ERMAP: variants seen among roughly 807,000 people sequenced by gnomAD.
ERMAP encodes erythroid membrane-associated protein.
ERMAP carries 34 observed loss-of-function variants against 49.5 expected under a neutral mutation model. The observed-to-expected ratio is 0.69, with a 90% CI of 0.52 to 0.91. The LOEUF is 0.91. ERMAP is among the 40% of genes least tolerant of loss of function. The pLI, the probability that ERMAP is intolerant of heterozygous loss-of-function variation, is 0.00. For missense variants in ERMAP, 541 were observed against 582.6 expected, an observed-to-expected ratio of 0.93 and a Z score of 0.74; for synonymous variants, 214 against 232.2, an observed-to-expected ratio of 0.92 and a Z score of 0.71.
intron 1 of ERMAP, among the ~76,000 whole-genome samples, chr1:42,825,198 C>T (rs1335008319): frequency 6.6e-6 from 1 of 152,102 alleles, no homozygotes; most frequent in African/African-American, 2.4e-5. Context: ...AAACAGCAAG[C>T]TTGCTTATCA....
intron 2 of ERMAP, among the ~76,000 whole-genome samples, chr1:42,827,331 A>G (rs377220498): frequency 2.7e-4 from 41 of 152,148 alleles, no homozygotes; most frequent in African/African-American, 9.4e-4. Context: ...CACCACAGCC[A>G]GTTGATTTAT....
At chr1:42,839,781 ATGTGT>A in intron 8 of ERMAP, 1 of 575,254 alleles carries the variant, frequency 1.7e-6, no homozygotes. Flanking sequence ...TAGGTGTGAG[ATGTGT>A]TATTTATTTA....
chr1:42,838,934 C>T lies in ERMAP; in HGVS notation c.637+13C>T. ...CATAAAGCTGTCAGTAAGTTTTGCTCCTCATCCATGGCACAAGCTCCTTCT... is the reference window on the plus strand; with the variant it reads ...CATAAAGCTGTCAGTAAGTTTTGCTTCTCATCCATGGCACAAGCTCCTTCT... On this transcript the variant is annotated intron_variant, in intron 8 of 11. Transcript: ENST00000372517. 4 of 1,614,152 alleles carry T rather than the reference C, an allele frequency of 2.5e-6. No individual in the cohort carries two copies. Among genetic ancestry groups the T allele is most frequent in the Non-Finnish European group, 3.4e-6 (4 of 1,180,014 alleles).
intron 6 of ERMAP, 182 bp from the exon 7 acceptor site, chr1:42,836,976 A>T (rs913354856): frequency 1.7e-4 from 99 of 596,870 alleles, no homozygotes; most frequent in Non-Finnish European, 2.4e-4. Flanking sequence ...TTAAGACAGG[A>T]TGTGGGAGAC....
chr1:42,830,175 T>C (rs538490714), intron 2 of ERMAP: 20 of 477,866 alleles, frequency 4.2e-5, no homozygotes, highest in African/African-American at 3.3e-4. Context: ...CACGCCAGCC[T>C]CTGTGTGAGC....
In ERMAP at chr1:42,839,898, ACT is replaced by A. The variant is rs984710240; in HGVS notation, c.638-132_638-131del. 41 of 878,500 alleles carry A rather than the reference ACT, an allele frequency of 4.7e-5. No individual in the cohort carries two copies. In the African/African-American group the frequency reaches 6.3e-4, roughly 13 times the overall value. 54.4% of individuals were successfully genotyped at this position (878,500 alleles called of 1,614,324 possible). Reference sequence around the variant, plus strand: ...CAGCTGGGATCTACTGCTCTTGCAAACTCTTCTGGGGAAGTTCCAGGGTATAG... The same window carrying A: ...CAGCTGGGATCTACTGCTCTTGCAAACTTCTGGGGAAGTTCCAGGGTATAG... On this transcript the variant is annotated intron_variant, in intron 8 of 11. Coordinates refer to ENST00000372517, the MANE Select transcript of ERMAP (RefSeq NM_001017922.2).
chr1:42,825,253 A>G (rs1396257812), intron 1 of ERMAP, among the ~76,000 whole-genome samples: 1 of 152,178 alleles, frequency 6.6e-6, no homozygotes, highest in Non-Finnish European at 1.5e-5. Context: ...ATAGTGAGTT[A>G]AAGAAGGTGG....
chr1:42,830,704 T>C, intron 3 of ERMAP, 64 bp from the exon 4 acceptor site: 1 of 1,459,968 alleles, frequency 6.8e-7, no homozygotes, highest in Non-Finnish European at 9.1e-7. Flanking sequence ...ATCCTCTTCC[T>C]CATCCCTTCC....
At chr1:42,837,935 C>T (rs1654949406) in intron 7 of ERMAP, 1 of 152,374 alleles carries the variant, frequency 6.6e-6, no homozygotes, top group Non-Finnish European at 1.5e-5. Context: ...CAGACACTGG[C>T]TGTTCTGCTC....
intron 4 of ERMAP, among the ~76,000 whole-genome samples, chr1:42,832,310 C>G (rs559006929): frequency 1.4e-3 from 215 of 150,110 alleles, no homozygotes; most frequent in African/African-American, 5.2e-3. Context: ...CCTGCCTCAG[C>G]CTCCTGAGTT....
chr1:42,819,239 A>G lies in ERMAP; in HGVS notation c.-122+1986A>G, dbSNP rs891203135. ...CGCAAGAGAGGGACCGAGAGAGAGA[A>G]AGAGCTAGATTACGCTTCAAGTGGC... is the stretch of plus-strand genomic sequence containing the variant. On this transcript the variant is annotated intron_variant, in intron 1 of 11. Transcript: ENST00000372517. This position sits in a 1 kb window ranked among gnomAD's most constrained non-coding sequence, Gnocchi z 5.1. Among the ~76,000 whole-genome samples, 4 of 145,630 alleles carry G rather than the reference A, an allele frequency of 2.7e-5. No homozygotes were observed. Among genetic ancestry groups the G allele is most frequent in the Non-Finnish European group, 3.0e-5 (2 of 65,832 alleles).
chr1:42,830,172 G>A, intron 2 of ERMAP: 1 of 469,882 alleles, frequency 2.1e-6, no homozygotes, highest in Middle Eastern at 6.0e-4. Context: ...TAACACGCCA[G>A]CCTCTGTGTG....
chr1:42,842,819 T>C lies in ERMAP; in HGVS notation c.1015T>C (p.Tyr339His), dbSNP rs755953121. Residue 339 changes from tyrosine to histidine, a missense_variant, in exon 12 of 12, where the codon TAT (tyrosine) becomes CAT (histidine). Physicochemically the swap from Tyr to His is moderately conservative, Grantham distance 83. Coordinates refer to ENST00000372517, the MANE Select transcript of ERMAP (RefSeq NM_001017922.2). ...TCTGCGACAGAGTCGTGGGAATGAG[T>C]ATGAAGCTCTCACATCCCCGCAGAC... ...WLLRQSRGNE[Y>H]EALTSPQTSF... The C allele has an allele frequency of 2.5e-6, 4 of 1,614,058 alleles. No homozygotes were observed. The Admixed American group carries it at 6.7e-5, about 27-fold the overall frequency.
rs1359922397 is a variant in ERMAP at position 42,817,175 on chromosome 1, C to T, written c.-200C>T. 34 of 1,238,254 alleles carry T rather than the reference C, an allele frequency of 2.7e-5. No individual in the cohort carries two copies. Among genetic ancestry groups the T allele is most frequent in the Non-Finnish European group, 3.3e-5 (32 of 964,420 alleles). 76.7% of individuals were successfully genotyped at this position (1,238,254 alleles called of 1,614,324 possible). A position where few individuals can be genotyped will look rare whatever the true frequency, so the allele number is the denominator to read the frequency against. ...GTCGCTGGAGCCGCCGACCAAGAGGCTTGGGAGTCTGTACCTTTCCCGACC... is the reference window on the plus strand; with the variant it reads ...GTCGCTGGAGCCGCCGACCAAGAGGTTTGGGAGTCTGTACCTTTCCCGACC... On this transcript the variant is annotated 5_prime_UTR_variant, in exon 1 of 12. Coordinates refer to ENST00000372517, the MANE Select transcript of ERMAP (RefSeq NM_001017922.2).
At chr1:42,841,400 G>A (rs1284818442) in intron 11 of ERMAP, among the ~76,000 whole-genome samples, 2 of 152,064 alleles carry the variant, frequency 1.3e-5, no homozygotes, top group Non-Finnish European at 2.9e-5. Context: ...TTCGTCCTAC[G>A]TACTTGGGAG....
intron 11 of ERMAP, 89 bp from the exon 12 acceptor site, chr1:42,842,428 A>G (rs1655082576): frequency 8.5e-7 from 1 of 1,172,800 alleles, no homozygotes; most frequent in Admixed American, 2.5e-5. Flanking sequence ...CAGTGATGGC[A>G]GACCTAAGAT....
At chr1:42,818,116 C>T (rs1024956119) in intron 1 of ERMAP, among the ~76,000 whole-genome samples, 1 of 152,200 alleles carries the variant, frequency 6.6e-6, no homozygotes, top group Non-Finnish European at 1.5e-5. Context: ...ACTATTTGTT[C>T]CTCTATCAAA....
At chr1:42,818,387 G>A (rs1654305954) in intron 1 of ERMAP, among the ~76,000 whole-genome samples, 2 of 152,240 alleles carry the variant, frequency 1.3e-5, no homozygotes, top group African/African-American at 4.8e-5. Flanking sequence ...AGGAGAGAGG[G>A]AAAAGAGGAA....
chr1:42,844,882 T>C lies in ERMAP; in HGVS notation c.*1650T>C, dbSNP rs1557617318. ...ATGTTTGACCAAATAGCTGGGCATCTTGTGACCCAGTTAAGTGGATACATA... is the reference window on the plus strand; with the variant it reads ...ATGTTTGACCAAATAGCTGGGCATCCTGTGACCCAGTTAAGTGGATACATA... On this transcript the variant is annotated 3_prime_UTR_variant, in exon 12 of 12. Transcript: ENST00000372517. This position sits in a 1 kb window ranked among gnomAD's most constrained non-coding sequence, Gnocchi z 4.0. 1 of 152,240 alleles carries C rather than the reference T, an allele frequency of 6.6e-6. No individual in the cohort carries two copies. The highest frequency in any genetic ancestry group is 1.5e-5 in the Non-Finnish European group (1 of 68,042). The allele number at this position is 152,240 out of a possible 1,614,324, so 9.4% of individuals were successfully genotyped here. A position where few individuals can be genotyped will look rare whatever the true frequency, so the allele number is the denominator to read the frequency against.
Sources: allele counts gnomAD v4.1 joint callset (sites outside exome capture counted in the v4.1 genomes callset), GRCh38; gene constraint gnomAD v4.1.1; non-coding constraint Gnocchi (gnomAD v3.1); transcripts MANE v1.5; gene names NCBI Gene and HGNC (gene_info 2026-07-23, HGNC 2026-07-21).